Variants in F11 observed in about 807,000 individuals in gnomAD.
The protein encoded by F11 is coagualtion factor XI.
In F11, 78 loss-of-function variants were observed where a neutral mutation model predicts 76.5. The ratio of observed to expected loss-of-function variants is 1.02; its 90% CI spans 0.85 to 1.23. The LOEUF (loss-of-function observed/expected upper bound fraction) is 1.23, where lower values mean the gene tolerates loss of function less well. Ranked by LOEUF, F11 falls within the 50% of genes most tolerant of loss-of-function variation. The pLI is 0.00. For missense variants in F11, 742 were observed against 771.4 expected (o/e 0.96, Z 0.45); for synonymous variants, 278 against 276.3 (o/e 1.01, Z -0.06).
At chr4:186,269,744 T>C (rs1235467825) in intron 2 of F11, among the ~76,000 whole-genome samples, 1 of 152,216 alleles carries the variant, frequency 6.6e-6, no homozygotes, top group African/African-American at 2.4e-5. Context: ...GATGGCTACA[T>C]GGCACATGGT....
chr4:186,288,963 G>T lies in F11; in HGVS notation c.*349G>T. 3.1e-6 allele frequency: 1 copy of T among 318,600 alleles called. No homozygotes were observed. Among genetic ancestry groups the T allele is most frequent in the Non-Finnish European group, 6.1e-6 (1 of 164,118 alleles). The allele number at this position is 318,600 out of a possible 1,614,324, so 19.7% of individuals were successfully genotyped here. A position where few individuals can be genotyped will look rare whatever the true frequency, so the allele number is the denominator to read the frequency against. On this transcript the variant is annotated 3_prime_UTR_variant, in exon 15 of 15. Coordinates refer to ENST00000403665, the MANE Select transcript of F11 (RefSeq NM_000128.4). Reference sequence around the variant, plus strand: ...GGATCAGGCAGAAGAACTGGTAAAAGAAGCCACCATAAATAGATTTGTTCG... The same window carrying T: ...GGATCAGGCAGAAGAACTGGTAAAATAAGCCACCATAAATAGATTTGTTCG...
chr4:186,285,554 T>C (rs1329234291), intron 11 of F11, 84 bp from the exon 12 acceptor site: 2 of 1,369,614 alleles, frequency 1.5e-6, no homozygotes, highest in Non-Finnish European at 2.1e-6. Context: ...ATATTAGTAA[T>C]AATTAAACAG....
chr4:186,279,884 A>G, intron 7 of F11, 128 bp from the exon 8 acceptor site: 1 of 759,168 alleles, frequency 1.3e-6, no homozygotes. Flanking sequence ...TATGAAGAGT[A>G]CTTTCAAAAT....
intron 7 of F11, 58 bp downstream of exon 7, chr4:186,276,448 C>T: frequency 3.8e-6 from 6 of 1,589,048 alleles, no homozygotes; most frequent in Non-Finnish European, 5.2e-6. Context: ...TGATCAAAAT[C>T]CATCATTAAA....
chr4:186,267,130 T>C lies in F11; in HGVS notation c.-1-6T>C. ...TCTAAAAGCATGCACCTTTTTCTCA[T>C]TGTAGGATGATTTTCTTATATCAAG... On this transcript the variant is annotated splice_polypyrimidine_tract_variant and splice_region_variant and intron_variant, in intron 1 of 14. Coordinates refer to ENST00000403665, the MANE Select transcript of F11 (RefSeq NM_000128.4). The C allele has an allele frequency of 1.9e-6, 3 of 1,550,908 alleles. No individual in the cohort carries two copies. The highest frequency in any genetic ancestry group is 1.8e-6 in the Non-Finnish European group (2 of 1,122,414).
chr4:186,280,684 A>G lies in F11; in HGVS notation c.1135+104A>G, dbSNP rs1341783546. 3.8e-6 allele frequency: 4 copies of G among 1,050,104 alleles called. No individual in the cohort carries two copies. In the African/African-American group the frequency reaches 4.8e-5, roughly 12 times the overall value. 65.0% of individuals were successfully genotyped at this position (1,050,104 alleles called of 1,614,324 possible). On this transcript the variant is annotated intron_variant, in intron 10 of 14. Transcript: ENST00000403665. ...TATAGCCACAGAAGGGAGAACATTC[A>G]GGAAATAACAAATTTTGCAATTTTC...
chr4:186,285,227 C>T (rs183282691), intron 11 of F11, among the ~76,000 whole-genome samples: 177 of 152,204 alleles, frequency 1.2e-3, no homozygotes, highest in African/African-American at 4.2e-3. Flanking sequence ...GCCAAGAGTT[C>T]CCGTTACCTG....
rs529619927 is a variant in F11, at chr4:186,266,453, C to G, written c.-2+158C>G. 1.5e-4 allele frequency among the ~76,000 whole-genome samples: 23 copies of G among 152,214 alleles called. No homozygotes were observed. In the South Asian group the frequency reaches 4.6e-3, roughly 30 times the overall value. ...CTTTGTAGAGATGTTCCGCTAATAT[C>G]CATAACTAATCTGAGAGGAAATGTG... On this transcript the variant is annotated intron_variant, in intron 1 of 14. Transcript: ENST00000403665.
At position 186,280,581 on chromosome 4, in the gene F11, G is replaced by A. The variant is rs753732288; in HGVS notation, c.1135+1G>A. 5.0e-6 allele frequency: 8 copies of A among 1,604,310 alleles called. No individual in the cohort carries two copies. The East Asian group carries it at 1.3e-4, about 27-fold the overall frequency. On this transcript the variant is annotated splice_donor_variant, in intron 10 of 14. Coordinates refer to ENST00000403665, the MANE Select transcript of F11 (RefSeq NM_000128.4). LOFTEE classifies it high-confidence loss of function. Reference sequence around the variant, plus strand: ...TTAAGGTTGTGTAAAATGGATAATGGTGAGTATAATGTCACTTGAAAAAAT... The same window carrying A: ...TTAAGGTTGTGTAAAATGGATAATGATGAGTATAATGTCACTTGAAAAAAT...
chr4:186,288,435 T>G lies in F11; in HGVS notation c.1717-18T>G. On this transcript the variant is annotated intron_variant, in intron 14 of 14. Transcript: ENST00000403665. ...CTGAGTTGATCTGTGCACCTTTTCT[T>G]GTCTCCCCTCGTTCTAGGGAGATTC... 1 of 1,614,002 alleles carries G rather than the reference T, an allele frequency of 6.2e-7. No individual in the cohort carries two copies. The highest frequency in any genetic ancestry group is 8.5e-7 in the Non-Finnish European group (1 of 1,179,890).
At chr4:186,274,614 C>G in intron 5 of F11, 1 of 334,516 alleles carries the variant, frequency 3.0e-6, no homozygotes, top group Non-Finnish European at 5.7e-6. Flanking sequence ...TACAGTCTAA[C>G]AGAATAAAAA....
Position 186,284,000 on chromosome 4 carries a change from G to A in F11, c.1136-92G>A, listed in dbSNP as rs915973270. 23 of 1,598,894 alleles carry A rather than the reference G, an allele frequency of 1.4e-5. No individual in the cohort carries two copies. The Admixed American group carries it at 1.7e-4, about 12-fold the overall frequency. ...CAGGGTCATGATAAACTATTGACTT[G>A]AGGAAAGGTTTTCTTCTTGTTCCTG... On this transcript the variant is annotated intron_variant, in intron 10 of 14. Coordinates refer to ENST00000403665, the MANE Select transcript of F11 (RefSeq NM_000128.4).
At position 186,284,282 on chromosome 4, in the gene F11, ATTAG is replaced by A. The variant is rs778294619; in HGVS notation, c.1304+25_1304+28del. The A allele has an allele frequency of 4.1e-5, 65 of 1,578,236 alleles. No homozygotes were observed. The African/African-American group carries it at 8.5e-4, about 21-fold the overall frequency. On this transcript the variant is annotated intron_variant, in intron 11 of 14. Coordinates refer to ENST00000403665, the MANE Select transcript of F11 (RefSeq NM_000128.4). ...ATGGGTCAGTACCACGGCTGTTTTT[ATTAG>A]TTCATCTTCTTCACACATTTATAAA...
At chr4:186,266,366 A>G (rs1187270484) in intron 1 of F11, 71 bp downstream of exon 1, 2 of 152,194 alleles carry the variant, frequency 1.3e-5, no homozygotes, top group Non-Finnish European at 2.9e-5. Context: ...TTTTTAAATC[A>G]TAGGAATTTA....
At chr4:186,284,364 A>G (rs1323508305) in intron 11 of F11, 104 bp downstream of exon 11, 1 of 1,181,096 alleles carries the variant, frequency 8.5e-7, no homozygotes, top group Admixed American at 2.1e-5. Flanking sequence ...AGATTGTCTT[A>G]TTTGCAAAAT....
At chr4:186,269,821 T>C (rs1561478425) in intron 2 of F11, among the ~76,000 whole-genome samples, 1 of 152,242 alleles carries the variant, frequency 6.6e-6, no homozygotes, top group African/African-American at 2.4e-5. Context: ...AAATGCTTGC[T>C]AAAATTCTAT....
chr4:186,269,684 G>A (rs183170344), intron 2 of F11, among the ~76,000 whole-genome samples: 142 of 152,274 alleles, frequency 9.3e-4, no homozygotes, highest in Non-Finnish European at 6.9e-4. Flanking sequence ...TGGTGCTGAT[G>A]GTTGCACAGC....
chr4:186,271,675 C>T lies in F11; in HGVS notation c.122C>T (p.Pro41Leu). 1 of 1,614,124 alleles carries T rather than the reference C, an allele frequency of 6.2e-7. No homozygotes were observed. Among genetic ancestry groups the T allele is most frequent in the Admixed American group, 1.7e-5 (1 of 60,014 alleles). ...GGGGACATTACTACGGTCTTCACAC[C>T]AAGCGCCAAGTACTGCCAGGTAGTC... ...EGGDITTVFT[P>L]SAKYCQVVCT... is the part of the protein sequence containing the mutation. The change falls in exon 3 of 15, where the codon CCA becomes CTA. Residue 41 changes from proline (P) to leucine (L), a missense_variant. By Grantham distance (98) the Pro-to-Leu change is moderately conservative. Transcript: ENST00000403665.
rs1561476686 is a variant in F11, at chr4:186,267,205, T to TA, written c.55+15dup. On this transcript the variant is annotated intron_variant, in intron 2 of 14. Transcript: ENST00000403665. ...CAGTTTCTGGTGGTAAGTAGAGTGT[T>TA]ATCTTAACTATGGGCTGGGAGAGGG... 6.8e-7 allele frequency: 1 copy of TA among 1,467,108 alleles called. No individual in the cohort carries two copies. The allele number at this position is 1,467,108 out of a possible 1,614,324, so 90.9% of individuals were successfully genotyped here.
Sources: gnomAD v4.1 joint callset for allele counts (sites outside exome capture counted in the v4.1 genomes callset) on GRCh38, gnomAD v4.1.1 for gene constraint, MANE v1.5 for transcripts, NCBI Gene and HGNC (gene_info 2026-07-23, HGNC 2026-07-21) for gene names.